The following CEP128 variants were observed in gnomAD, a reference collection of about 807,000 sequenced individuals.
CEP128 encodes the protein centrosomal protein 128kDa.
Under a neutral mutation model 156.7 loss-of-function variants are expected in CEP128, and 132 were observed. The observed-to-expected ratio is 0.84, with a 90% CI of 0.73 to 0.97. The LOEUF (loss-of-function observed/expected upper bound fraction) is 0.97. CEP128 is among the 50% of genes least tolerant of loss of function. The pLI is 0.00. For missense variants in CEP128, 1,252 were observed against 1,281.9 expected (o/e 0.98, Z 0.36); for synonymous variants, 469 against 448.9 (o/e 1.04, Z -0.57).
intron 19 of CEP128, among the ~76,000 whole-genome samples, chr14:80,588,899 C>G (rs1044391323): frequency 6.6e-6 from 1 of 152,134 alleles, no homozygotes; most frequent in Non-Finnish European, 1.5e-5. Context: ...GTCTCAGTCT[C>G]CTCATCCACA....
chr14:80,788,233 T>G (rs1595399106), intron 14 of CEP128, among the ~76,000 whole-genome samples: 5 of 151,902 alleles, frequency 3.3e-5, no homozygotes, highest in Middle Eastern at 3.4e-3. Context: ...TGAATAGCCT[T>G]TATCTTGAGG....
At chr14:80,539,185 C>T (rs35817733) in intron 21 of CEP128, among the ~76,000 whole-genome samples, 16,041 of 152,124 alleles carry the variant, frequency 0.11, 1,233 homozygotes, top group East Asian at 0.34. Context: ...GAGAAACTAA[C>T]ATGTTCATAA....
chr14:80,584,668 T>C (rs925052627), intron 19 of CEP128, among the ~76,000 whole-genome samples: 3 of 152,156 alleles, frequency 2.0e-5, no homozygotes, highest in African/African-American at 7.2e-5. Context: ...CACCACTCTA[T>C]GCAAACAGAC....
intron 13 of CEP128, among the ~76,000 whole-genome samples, chr14:80,803,479 G>A (rs536065996): frequency 6.6e-6 from 1 of 152,242 alleles, no homozygotes; most frequent in African/African-American, 2.4e-5. Flanking sequence ...CAGAGGTGGA[G>A]GAAATAAAAT....
chr14:80,747,903 T>TCTAAA (rs1899187039), intron 18 of CEP128, among the ~76,000 whole-genome samples: 1 of 152,198 alleles, frequency 6.6e-6, no homozygotes, highest in Non-Finnish European at 1.5e-5. Context: ...GCGTCCTGAT[T>TCTAAA]TTCTACTTGA....
intron 23 of CEP128, among the ~76,000 whole-genome samples, chr14:80,511,153 C>T (rs1888234672): frequency 6.6e-6 from 1 of 151,204 alleles, no homozygotes; most frequent in Non-Finnish European, 1.5e-5. Context: ...CCCTCCTCCT[C>T]TATTCTTTGA....
chr14:80,934,422 G>A (rs9323695), intron 2 of CEP128, among the ~76,000 whole-genome samples: 9,686 of 152,226 alleles, frequency 0.064, 1,021 homozygotes, highest in African/African-American at 0.22. Context: ...GCACATAGCT[G>A]GAAATCAGAA....
intron 19 of CEP128, among the ~76,000 whole-genome samples, chr14:80,638,799 T>G (rs1047420444): frequency 6.6e-6 from 1 of 152,172 alleles, no homozygotes; most frequent in Non-Finnish European, 1.5e-5. Flanking sequence ...CACAGGTCAT[T>G]AAAATGGTAG....
chr14:80,943,398 T>C (rs1053718217), upstream of CEP128, among the ~76,000 whole-genome samples: 1 of 152,122 alleles, frequency 6.6e-6, no homozygotes, highest in Admixed American at 6.5e-5. Context: ...GCAGGAGAAA[T>C]GTCTACCAAA....
At chr14:80,870,374 T>C (rs557693966) in intron 8 of CEP128, among the ~76,000 whole-genome samples, 2 of 152,156 alleles carry the variant, frequency 1.3e-5, no homozygotes, top group South Asian at 4.1e-4. Flanking sequence ...AGTAGCACAT[T>C]AAAAGAATCA....
intron 21 of CEP128, among the ~76,000 whole-genome samples, chr14:80,538,784 C>T (rs1038140168): frequency 1.3e-5 from 2 of 152,154 alleles, no homozygotes; most frequent in African/African-American, 2.4e-5. Context: ...TACTTTCTTT[C>T]GTATGTCAGC....
chr14:80,876,326 A>G (rs928411826), intron 8 of CEP128, among the ~76,000 whole-genome samples: 2 of 152,128 alleles, frequency 1.3e-5, no homozygotes, highest in Non-Finnish European at 2.9e-5. Flanking sequence ...GGCCGGGCGC[A>G]GTGGCTCATG....
chr14:80,700,412 C>G (rs1476461970), intron 19 of CEP128, among the ~76,000 whole-genome samples: 1 of 151,696 alleles, frequency 6.6e-6, no homozygotes, highest in South Asian at 2.1e-4. Context: ...AGGGAAGATG[C>G]GCGTCATTAA....
At chr14:80,717,299 G>A (rs1430272039) in intron 19 of CEP128, among the ~76,000 whole-genome samples, 1 of 152,044 alleles carries the variant, frequency 6.6e-6, no homozygotes, top group African/African-American at 2.4e-5. Context: ...TGAAAATACT[G>A]GAATACTCCC....
At chr14:80,922,076 AC>A (rs1884898768) in intron 2 of CEP128, among the ~76,000 whole-genome samples, 1 of 152,252 alleles carries the variant, frequency 6.6e-6, no homozygotes, top group South Asian at 2.1e-4. Context: ...CTTAAAAGAA[AC>A]AAAAACAAAT....
intron 23 of CEP128, among the ~76,000 whole-genome samples, chr14:80,522,975 C>T (rs771551672): frequency 2.6e-5 from 4 of 152,246 alleles, no homozygotes; most frequent in Non-Finnish European, 4.4e-5. Context: ...GTTGGTCCTG[C>T]TCAAAATCTT....
At chr14:80,512,226 AT>A (rs1409468070) in intron 23 of CEP128, among the ~76,000 whole-genome samples, 36 of 152,162 alleles carry the variant, frequency 2.4e-4, no homozygotes, top group African/African-American at 8.7e-4. Flanking sequence ...AGCTCCAATA[AT>A]ATTGGCTTTA....
intron 17 of CEP128, among the ~76,000 whole-genome samples, chr14:80,759,737 G>C (rs1332800212): frequency 1.3e-5 from 2 of 152,074 alleles, no homozygotes; most frequent in East Asian, 3.8e-4. Flanking sequence ...CTCCATGTCT[G>C]AAAGCCTATA....
intron 19 of CEP128, among the ~76,000 whole-genome samples, chr14:80,709,599 T>A (rs1216026559): frequency 6.6e-6 from 1 of 152,218 alleles, no homozygotes; most frequent in Non-Finnish European, 1.5e-5. Context: ...GTATGTGCAT[T>A]AAGACTGCTT....
Sources: gnomAD v4.1 joint callset for allele counts (sites outside exome capture counted in the v4.1 genomes callset) on GRCh38, gnomAD v4.1.1 for gene constraint, MANE v1.5 for transcripts, NCBI Gene and HGNC (gene_info 2026-07-23, HGNC 2026-07-21) for gene names.